The following PTTG1IP2 variants were observed in gnomAD, a reference collection of about 807,000 sequenced individuals.
The protein encoded by PTTG1IP2 is PTTG1IP family member 2.
At chr7:90,487,450 T>C (rs1797887900) in intron 3 of PTTG1IP2, 30 bp downstream of exon 3, 1 of 152,624 alleles carries the variant, frequency 6.6e-6, no homozygotes, top group Non-Finnish European at 1.5e-5. Flanking sequence ...ATTTTTATGT[T>C]CTTTATTTCA....
chr7:90,482,948 A>C (rs1797830511), intron 2 of PTTG1IP2, among the ~76,000 whole-genome samples: 1 of 152,150 alleles, frequency 6.6e-6, no homozygotes, highest in Non-Finnish European at 1.5e-5. Flanking sequence ...ATAGGAAATG[A>C]CCATTACTCA....
At chr7:90,478,574 A>C (rs1361699774) in intron 1 of PTTG1IP2, among the ~76,000 whole-genome samples, 1 of 152,242 alleles carries the variant, frequency 6.6e-6, no homozygotes, top group Non-Finnish European at 1.5e-5. Flanking sequence ...CTCTGTCCCC[A>C]AAATAATAGA....
chr7:90,499,610 G>A (rs372870279), intron 6 of PTTG1IP2, among the ~76,000 whole-genome samples: 1 of 152,130 alleles, frequency 6.6e-6, no homozygotes. Flanking sequence ...TTGAGACAGA[G>A]TCTTGCTCTG....
intron 3 of PTTG1IP2, among the ~76,000 whole-genome samples, 156 bp downstream of exon 3, chr7:90,487,576 A>G (rs1562986144): frequency 6.6e-6 from 1 of 152,226 alleles, no homozygotes; most frequent in Non-Finnish European, 1.5e-5. Flanking sequence ...ATACCTATGT[A>G]GCAAACCTGC....
intron 1 of PTTG1IP2, among the ~76,000 whole-genome samples, chr7:90,476,269 T>G (rs1797747014): frequency 6.6e-6 from 1 of 152,196 alleles, no homozygotes; most frequent in Admixed American, 6.5e-5. Flanking sequence ...CAAATAATCA[T>G]TAATAACTTT....
chr7:90,502,436 A>G (rs1189899297), intron 6 of PTTG1IP2, among the ~76,000 whole-genome samples: 1 of 152,232 alleles, frequency 6.6e-6, no homozygotes, highest in African/African-American at 2.4e-5. Context: ...AATGGCATCT[A>G]TAATGGTGGA....
chr7:90,486,010 T>C (rs1797870947), intron 2 of PTTG1IP2, among the ~76,000 whole-genome samples: 1 of 152,194 alleles, frequency 6.6e-6, no homozygotes, highest in African/African-American at 2.4e-5. Context: ...GTGGCTTCAA[T>C]TTTAGATTTG....
intron 6 of PTTG1IP2, among the ~76,000 whole-genome samples, chr7:90,508,425 T>C (rs559178694): frequency 6.6e-6 from 1 of 152,210 alleles, no homozygotes; most frequent in East Asian, 1.9e-4. Context: ...GCTTCAAGAA[T>C]GTACAGTTTA....
Position 90,471,198 on chromosome 7 carries a change from A to C in PTTG1IP2, c.145+1267A>C, listed in dbSNP as rs541733960. 3.3e-5 allele frequency among the ~76,000 whole-genome samples: 5 copies of C among 152,242 alleles called. No individual in the cohort carries two copies. In the South Asian group the frequency reaches 1.0e-3, roughly 32 times the overall value. On this transcript the variant is annotated intron_variant, in intron 1 of 6. Transcript: ENST00000509356. ...GTGCTTGCATTTAATCTTCCCATCT[A>C]ACAAGGATATGGTTTCTTAGACATC...
At chr7:90,495,383 C>A (rs1484378710) in intron 6 of PTTG1IP2, among the ~76,000 whole-genome samples, 2 of 152,210 alleles carry the variant, frequency 1.3e-5, no homozygotes. Flanking sequence ...ATCCTCTTAT[C>A]AACATCTATG....
chr7:90,475,645 T>A (rs1246510964), intron 1 of PTTG1IP2, among the ~76,000 whole-genome samples: 4 of 151,986 alleles, frequency 2.6e-5, no homozygotes, highest in Non-Finnish European at 5.9e-5. Context: ...AGAGAGGAAC[T>A]AATTAAAGAA....
At chr7:90,497,117 G>A (rs987317714) in intron 6 of PTTG1IP2, among the ~76,000 whole-genome samples, 1 of 152,130 alleles carries the variant, frequency 6.6e-6, no homozygotes, top group African/African-American at 2.4e-5. Flanking sequence ...TATGGTCTAC[G>A]TTAGTGTTCC....
chr7:90,478,124 A>G (rs184067232), intron 1 of PTTG1IP2, among the ~76,000 whole-genome samples: 22 of 151,494 alleles, frequency 1.5e-4, no homozygotes, highest in Admixed American at 5.3e-4. Flanking sequence ...AAAGAAAAAG[A>G]AAAAATTGGA....
At chr7:90,500,276 A>C (rs1798047764) in intron 6 of PTTG1IP2, among the ~76,000 whole-genome samples, 1 of 152,204 alleles carries the variant, frequency 6.6e-6, no homozygotes, top group Non-Finnish European at 1.5e-5. Context: ...CTATAAGGGA[A>C]TATTTTGAAA....
intron 5 of PTTG1IP2, among the ~76,000 whole-genome samples, chr7:90,492,515 C>CA (rs1002762910): frequency 6.6e-6 from 1 of 152,290 alleles, no homozygotes; most frequent in Admixed American, 6.5e-5. Flanking sequence ...GCATTGCATA[C>CA]ATATTGCGCC....
intron 6 of PTTG1IP2, among the ~76,000 whole-genome samples, chr7:90,502,467 A>G (rs867498467): frequency 1.3e-5 from 2 of 152,212 alleles, no homozygotes; most frequent in African/African-American, 4.8e-5. Context: ...AAGGTTTTCA[A>G]TTTACTTTAC....
chr7:90,508,248 AGT>A (rs1327188823), intron 6 of PTTG1IP2, among the ~76,000 whole-genome samples: 2 of 149,142 alleles, frequency 1.3e-5, no homozygotes, highest in African/African-American at 4.9e-5. Flanking sequence ...TCTGGGCAAC[AGT>A]GAGAACTCGT....
intron 6 of PTTG1IP2, among the ~76,000 whole-genome samples, chr7:90,495,640 A>G (rs1450780538): frequency 1.3e-5 from 2 of 152,172 alleles, no homozygotes; most frequent in African/African-American, 4.8e-5. Flanking sequence ...GAGGGAGGAG[A>G]ATGCAAGTCC....
intron 2 of PTTG1IP2, among the ~76,000 whole-genome samples, chr7:90,481,043 T>A (rs1416593069): frequency 6.6e-6 from 1 of 152,222 alleles, no homozygotes; most frequent in Non-Finnish European, 1.5e-5. Flanking sequence ...TTGGTAGGAA[T>A]GCTTCATGCT....
Sources: allele counts gnomAD v4.1 joint callset (sites outside exome capture counted in the v4.1 genomes callset), GRCh38; gene constraint gnomAD v4.1.1; transcripts MANE v1.5; gene names NCBI Gene and HGNC (gene_info 2026-07-23, HGNC 2026-07-21).